Variants in MALRD1 observed in about 807,000 individuals in gnomAD.
MALRD1 encodes MAM and LDL-receptor class A domain-containing protein 1.
MALRD1 carries 247 observed loss-of-function variants against 242.1 expected under a neutral mutation model. The observed-to-expected ratio is 1.02, with a 90% CI of 0.92 to 1.13. The LOEUF (loss-of-function observed/expected upper bound fraction) is 1.13, where lower values mean the gene tolerates loss of function less well. Ranked by LOEUF, MALRD1 falls within the 50% of genes most tolerant of loss-of-function variation. The probability of loss-of-function intolerance (pLI) is 0.00; values close to 1 mark genes in which losing one functional copy is unlikely to be tolerated. For missense variants in MALRD1, 2,989 were observed against 2,533.1 expected (o/e 1.18, Z -3.86); for synonymous variants, 995 against 866.6 (o/e 1.15, Z -2.60).
Position 19,165,699 on chromosome 10 carries a change from A to C in MALRD1, c.1719A>C (p.Leu573=). The change falls in exon 13 of 40, where the codon CTA becomes CTC. Residue 573 remains leucine, a synonymous_variant. Transcript: ENST00000454679. The part of the protein sequence containing the change: ...SNLSVFTRTS[L]DGNLQKQGKI... ...TCTCAGTTTTTACAAGAACGTCTCT[A>C]GATGGAAACTTGCAAAAGCAGGGCA... 1 of 1,231,706 alleles carries C rather than the reference A, an allele frequency of 8.1e-7. No individual in the cohort carries two copies. The highest frequency in any genetic ancestry group is 3.2e-5 in the East Asian group (1 of 31,692). The allele number at this position is 1,231,706 out of a possible 1,614,324, so 76.3% of individuals were successfully genotyped here.
intron 19 of MALRD1, among the ~76,000 whole-genome samples, chr10:19,278,445 C>CCATG (rs1380261012): frequency 1.4e-5 from 2 of 146,474 alleles, no homozygotes; most frequent in African/African-American, 5.3e-5. Context: ...ATTCATCTGT[C>CCATG]CATCCATCCA....
intron 29 of MALRD1, among the ~76,000 whole-genome samples, chr10:19,456,014 T>G (rs530115876): frequency 1.3e-5 from 2 of 152,166 alleles, no homozygotes; most frequent in Non-Finnish European, 1.5e-5. Context: ...CAGGGTAGAA[T>G]CCAATAATGG....
chr10:19,709,516 A>T (rs1027323439), intron 38 of MALRD1, among the ~76,000 whole-genome samples: 2 of 152,160 alleles, frequency 1.3e-5, no homozygotes, highest in Non-Finnish European at 2.9e-5. Context: ...TTTATGAGCC[A>T]TTCACACCCA....
chr10:19,165,281 TTTTTG>T (rs760593217), intron 12 of MALRD1, among the ~76,000 whole-genome samples: 90 of 95,702 alleles, frequency 9.4e-4, no homozygotes, highest in Middle Eastern at 5.3e-3. Context: ...TTTTGTTTTG[TTTTTG>T]TTTTGTTTTG....
intron 31 of MALRD1, among the ~76,000 whole-genome samples, chr10:19,530,391 T>TAA (rs1392738094): frequency 4.8e-5 from 3 of 62,222 alleles, no homozygotes; most frequent in African/African-American, 7.8e-5. Flanking sequence ...ATTATATATT[T>TAA]ATATAAATAT....
intron 35 of MALRD1, among the ~76,000 whole-genome samples, chr10:19,608,935 C>T (rs1485268217): frequency 6.6e-6 from 1 of 151,940 alleles, no homozygotes; most frequent in Non-Finnish European, 1.5e-5. Flanking sequence ...ATTTTCTTTC[C>T]AGAGAGTAGG....
intron 1 of MALRD1, among the ~76,000 whole-genome samples, chr10:19,065,641 T>C (rs138436652): frequency 1.3e-5 from 2 of 152,250 alleles, no homozygotes; most frequent in African/African-American, 4.8e-5. Context: ...CCATTTGTGG[T>C]TGAGATCATC....
chr10:19,203,369 A>C (rs7077687), intron 14 of MALRD1, among the ~76,000 whole-genome samples: 1,536 of 152,236 alleles, frequency 0.01, 28 homozygotes, highest in African/African-American at 0.035. Context: ...CTGCAGGAAC[A>C]ATGATGCCTC....
intron 17 of MALRD1, 85 bp downstream of exon 17, chr10:19,205,350 C>A: frequency 7.1e-7 from 1 of 1,411,028 alleles, no homozygotes; most frequent in Non-Finnish European, 9.3e-7. Context: ...GCCAATCAAA[C>A]CGATAACAGT....
intron 38 of MALRD1, among the ~76,000 whole-genome samples, chr10:19,720,772 A>T (rs1834709696): frequency 6.6e-6 from 1 of 152,212 alleles, no homozygotes; most frequent in South Asian, 2.1e-4. Flanking sequence ...CTAAAATTAA[A>T]ATTTATGATT....
chr10:19,490,506 CG>C (rs71388843), intron 29 of MALRD1, among the ~76,000 whole-genome samples: 2,411 of 19,868 alleles, frequency 0.12, 151 homozygotes, highest in East Asian at 0.31. Flanking sequence ...CCAAGTGGGG[CG>C]GGGGGGGGGC....
intron 21 of MALRD1, among the ~76,000 whole-genome samples, chr10:19,302,116 A>G (rs1399998296): frequency 4.0e-5 from 6 of 151,854 alleles, no homozygotes; most frequent in Non-Finnish European, 7.4e-5. Context: ...AGACAATAAC[A>G]GGTGTTGATG....
chr10:19,321,096 G>T (rs1403080841), intron 21 of MALRD1, among the ~76,000 whole-genome samples: 15 of 151,932 alleles, frequency 9.9e-5, no homozygotes, highest in Admixed American at 8.5e-4. Flanking sequence ...GTCTATTTTG[G>T]CTTTAGTTGC....
intron 36 of MALRD1, among the ~76,000 whole-genome samples, chr10:19,652,807 T>A (rs1840956589): frequency 6.6e-6 from 1 of 152,210 alleles, no homozygotes; most frequent in Non-Finnish European, 1.5e-5. Context: ...CAGATTTAAA[T>A]AACTTATCAA....
chr10:19,590,117 G>A lies in MALRD1; in HGVS notation c.5681-5077G>A, dbSNP rs189165792. Among the ~76,000 whole-genome samples, 9 of 152,066 alleles carry A rather than the reference G, an allele frequency of 5.9e-5. No individual in the cohort carries two copies. In the East Asian group the frequency reaches 1.7e-3, roughly 29 times the overall value. On this transcript the variant is annotated intron_variant, in intron 33 of 39. Coordinates refer to ENST00000454679, the MANE Select transcript of MALRD1 (RefSeq NM_001142308.3). ...CAAGACACAGTACATTTATCAAAATGTTATGCATTTACTTGCTGAATTGCT... is the reference window on the plus strand; with the variant it reads ...CAAGACACAGTACATTTATCAAAATATTATGCATTTACTTGCTGAATTGCT...
rs1374788393 is a variant in MALRD1 at position 19,498,644 on chromosome 10, C to T, written c.5318C>T (p.Pro1773Leu). 1.9e-6 allele frequency: 3 copies of T among 1,548,958 alleles called. No individual in the cohort carries two copies. The highest frequency in any genetic ancestry group is 4.9e-5 in the East Asian group (2 of 40,896). ...TTAATTCCAGACTCTGATCACACGC[C>T]AGGTAAATCTAGTAGCCATCCCCAG... The part of the protein sequence containing the change: ...KALIPDSDHT[P>L]GSGQHFLYVN... Residue 1773 changes from proline (P) to leucine (L), a missense_variant and splice_region_variant, in exon 31 of 40, where the codon CCA becomes CTA. By Grantham distance (98) the Pro-to-Leu change is moderately conservative. Transcript: ENST00000454679.
chr10:19,499,445 GAA>G (rs869219398), intron 31 of MALRD1, among the ~76,000 whole-genome samples: 8 of 116,644 alleles, frequency 6.9e-5, no homozygotes, highest in East Asian at 5.2e-4. Flanking sequence ...GGCCTGAATA[GAA>G]AAAAAAAAAA....
chr10:19,530,379 ATAT>A (rs1554793461), intron 31 of MALRD1, among the ~76,000 whole-genome samples: 7 of 84,442 alleles, frequency 8.3e-5, no homozygotes, highest in African/African-American at 1.5e-4. Context: ...ATTTATATAA[ATAT>A]TATATATTTA....
intron 5 of MALRD1, among the ~76,000 whole-genome samples, chr10:19,113,297 C>A (rs554998681): frequency 6.6e-6 from 1 of 152,220 alleles, no homozygotes; most frequent in African/African-American, 2.4e-5. Context: ...AGTCCAATGT[C>A]CTCCTTCACA....
Sources: allele counts gnomAD v4.1 joint callset (sites outside exome capture counted in the v4.1 genomes callset), GRCh38; gene constraint gnomAD v4.1.1; transcripts MANE v1.5; gene names NCBI Gene and HGNC (gene_info 2026-07-23, HGNC 2026-07-21).